TC2N: variants seen among roughly 807,000 people sequenced by gnomAD.
TC2N encodes tandem C2 domains, nuclear.
TC2N carries 51 observed loss-of-function variants against 61.9 expected under a neutral mutation model. That is an observed-to-expected ratio of 0.82 (90% confidence interval 0.66 to 1.04). The LOEUF (loss-of-function observed/expected upper bound fraction) is 1.04, where lower values mean the gene tolerates loss of function less well. Ranked by LOEUF, TC2N falls within the 50% of genes least tolerant of loss-of-function variation. The probability of loss-of-function intolerance (pLI) is 0.00; values close to 1 mark genes in which losing one functional copy is unlikely to be tolerated. For missense variants in TC2N, 556 were observed against 566.7 expected (o/e 0.98, Z 0.19); for synonymous variants, 204 against 192.6 (o/e 1.06, Z -0.49).
intron 1 of TC2N, among the ~76,000 whole-genome samples, chr14:91,830,980 G>C (rs1887743374): frequency 6.6e-6 from 1 of 152,118 alleles, no homozygotes; most frequent in Non-Finnish European, 1.5e-5. Context: ...TGAGCCCTGG[G>C]CTGACTTCCA....
At chr14:91,852,925 G>T (rs1453291551) in intron 1 of TC2N, among the ~76,000 whole-genome samples, 1 of 152,038 alleles carries the variant, frequency 6.6e-6, no homozygotes. Context: ...CAAAAAATTA[G>T]CCAGGCGTGG....
Sources: gnomAD v4.1 joint callset for allele counts (sites outside exome capture counted in the v4.1 genomes callset) on GRCh38, gnomAD v4.1.1 for gene constraint, MANE v1.5 for transcripts, NCBI Gene and HGNC (gene_info 2026-07-23, HGNC 2026-07-21) for gene names.